The following MYL2 variants were observed in gnomAD, a reference collection of about 807,000 sequenced individuals.
MYL2 encodes the protein myosin light chain 2.
Under a neutral mutation model 23.0 loss-of-function variants are expected in MYL2, and 19 were observed. The ratio of observed to expected loss-of-function variants is 0.83; its 90% CI spans 0.58 to 1.21. MYL2 has a LOEUF of 1.21. Ranked by LOEUF, MYL2 falls within the 50% of genes most tolerant of loss-of-function variation. The pLI, the probability that MYL2 is intolerant of heterozygous loss-of-function variation, is 0.00. For synonymous variants in MYL2, 78 were observed against 76.2 expected, an observed-to-expected ratio of 1.02 and a Z score of -0.13; for missense variants, 180 against 215.1, an observed-to-expected ratio of 0.84 and a Z score of 1.02.
rs943867855 is a variant in MYL2, at chr12:110,918,706, A to G, written c.93+398T>C. On this transcript the variant is annotated intron_variant, in intron 2 of 6. Transcript: ENST00000228841. The surrounding 1 kb of genome is among the most constrained non-coding windows in gnomAD (Gnocchi z 4.4). Reference sequence around the variant, plus strand: ...ATGTTAATGGTGAATTTCTCAACGAAAAAAATGCAGGTGTAATCAGTGGGC... The same window carrying G: ...ATGTTAATGGTGAATTTCTCAACGAGAAAAATGCAGGTGTAATCAGTGGGC... The G allele has an allele frequency of 4.2e-5, 7 of 168,350 alleles. No individual in the cohort carries two copies. The highest frequency in any genetic ancestry group is 1.7e-4 in the African/African-American group (7 of 41,822). 10.4% of individuals were successfully genotyped at this position (168,350 alleles called of 1,614,324 possible). A position where few individuals can be genotyped will look rare whatever the true frequency, so the allele number is the denominator to read the frequency against.
chr12:110,920,274 T>C (rs1048514800), intron 1 of MYL2, among the ~76,000 whole-genome samples: 2 of 151,590 alleles, frequency 1.3e-5, no homozygotes, highest in African/African-American at 4.9e-5. Flanking sequence ...CCTCGAGAGG[T>C]CAGTAGACAA....
upstream of MYL2, chr12:110,920,595 A>G (rs2136779470): frequency 6.2e-7 from 1 of 1,612,904 alleles, no homozygotes; most frequent in Non-Finnish European, 8.5e-7. Context: ...TCTGCAGCCC[A>G]GGAACAATAA....
At chr12:110,919,858 C>T (rs905334021) in intron 1 of MYL2, among the ~76,000 whole-genome samples, 7 of 152,256 alleles carry the variant, frequency 4.6e-5, no homozygotes, top group African/African-American at 1.7e-4. Context: ...CTCATAACCA[C>T]TCTGTCAAGT....
chr12:110,910,874 C>T lies in MYL2; in HGVS notation c.*203G>A, dbSNP rs1269402230. ...CGACCTCCTGTTTATTGGAACATGG[C>T]CTCTGGATGGATTTCCAACTGTAGG... On this transcript the variant is annotated 3_prime_UTR_variant, in exon 7 of 7. Coordinates refer to ENST00000228841, the MANE Select transcript of MYL2 (RefSeq NM_000432.4). 1 of 616,250 alleles carries T rather than the reference C, an allele frequency of 1.6e-6. No homozygotes were observed. Among genetic ancestry groups the T allele is most frequent in the Non-Finnish European group, 2.9e-6 (1 of 340,038 alleles). 38.2% of individuals were successfully genotyped at this position (616,250 alleles called of 1,614,324 possible).
chr12:110,920,233 C>T (rs1039946458), intron 1 of MYL2, among the ~76,000 whole-genome samples: 3 of 152,326 alleles, frequency 2.0e-5, no homozygotes, highest in East Asian at 1.9e-4. Context: ...AGCATTCAAT[C>T]CCATTTTGCA....
rs376347760 is a variant in MYL2 at position 110,920,278 on chromosome 12, T to C, written c.3+249A>G. 3.2e-3 allele frequency among the ~76,000 whole-genome samples: 483 copies of C among 151,000 alleles called. 1 individual carries two copies. The highest frequency in any genetic ancestry group is 0.011 in the African/African-American group (469 of 40,958). The stretch of plus-strand genomic sequence containing the variant: ...AGTTATTGATTCCTCGAGAGGTCAG[T>C]AGACAAGCCATAAAAAAGCCAACTC... On this transcript the variant is annotated intron_variant, in intron 1 of 6. Coordinates refer to ENST00000228841, the MANE Select transcript of MYL2 (RefSeq NM_000432.4).
At chr12:110,921,176 T>C (rs1240836996), upstream of MYL2, among the ~76,000 whole-genome samples, 14 of 151,756 alleles carry the variant, frequency 9.2e-5, no homozygotes, top group East Asian at 2.1e-3. Flanking sequence ...CTGGGTGACA[T>C]AGGGAGATGC....
intron 2 of MYL2, 84 bp downstream of exon 2, chr12:110,919,020 C>T: frequency 7.6e-7 from 1 of 1,309,754 alleles, no homozygotes; most frequent in East Asian, 2.3e-5. Flanking sequence ...TGAAAGGTCC[C>T]TGCTGGGAAT....
At chr12:110,915,907 A>T in intron 2 of MYL2, 117 bp from the exon 3 acceptor site, 1 of 843,214 alleles carries the variant, frequency 1.2e-6, no homozygotes, top group South Asian at 1.3e-5. Context: ...TCATTGTAGG[A>T]CCTCAGATTA....
At chr12:110,914,453 A>T in intron 3 of MYL2, 163 bp from the exon 4 acceptor site, 55 of 603,536 alleles carry the variant, frequency 9.1e-5, no homozygotes, top group East Asian at 2.0e-4. Flanking sequence ...TGTTCTTGAC[A>T]GTGTTATTTA....
In MYL2 at chr12:110,910,892, A is replaced by G. The variant is rs2071644481; in HGVS notation, c.*185T>C. The G allele has an allele frequency of 4.7e-6, 3 of 640,920 alleles. No individual in the cohort carries two copies. The Admixed American group carries it at 6.8e-5, about 14-fold the overall frequency. The allele number at this position is 640,920 out of a possible 1,614,324, so 39.7% of individuals were successfully genotyped here. A position where few individuals can be genotyped will look rare whatever the true frequency, so the allele number is the denominator to read the frequency against. ...AACATGGCCTCTGGATGGATTTCCA[A>G]CTGTAGGATGTGCGGCCACGAAGTA... On this transcript the variant is annotated 3_prime_UTR_variant, in exon 7 of 7. Coordinates refer to ENST00000228841, the MANE Select transcript of MYL2 (RefSeq NM_000432.4).
At position 110,913,237 on chromosome 12, in the gene MYL2, C is replaced by A; in HGVS notation, c.353+9G>T. 6.2e-7 allele frequency: 1 copy of A among 1,614,186 alleles called. No individual in the cohort carries two copies. The highest frequency in any genetic ancestry group is 8.5e-7 in the Non-Finnish European group (1 of 1,180,026). ...GGAACCCCCTTCCTCCCCCACAGAC[C>A]CCACTCACTAATCAGCCTTCAGCAC... On this transcript the variant is annotated intron_variant, in intron 5 of 6. Transcript: ENST00000228841.
chr12:110,911,008 C>CG lies in MYL2; in HGVS notation c.*68dup. 1.5e-6 allele frequency: 2 copies of CG among 1,365,132 alleles called. No individual in the cohort carries two copies. The highest frequency in any genetic ancestry group is 2.3e-5 in the East Asian group (1 of 43,600). 84.6% of individuals were successfully genotyped at this position (1,365,132 alleles called of 1,614,324 possible). On this transcript the variant is annotated 3_prime_UTR_variant, in exon 7 of 7. Coordinates refer to ENST00000228841, the MANE Select transcript of MYL2 (RefSeq NM_000432.4). Reference sequence around the variant, plus strand: ...ACAAGGTAGGGACAGAGGCGGTACTCGGGGGAGAGAGATGAGGGCAGGGAC... The same window carrying CG: ...ACAAGGTAGGGACAGAGGCGGTACTCGGGGGGAGAGAGATGAGGGCAGGGAC...
intron 4 of MYL2, 101 bp from the exon 5 acceptor site, chr12:110,913,425 G>T: frequency 8.2e-7 from 1 of 1,215,230 alleles, no homozygotes; most frequent in Non-Finnish European, 1.2e-6. Flanking sequence ...AGGGGCCAGA[G>T]CAAGGCTGCT....
intron 3 of MYL2, among the ~76,000 whole-genome samples, chr12:110,914,837 T>C (rs2071678659): frequency 6.6e-6 from 1 of 152,298 alleles, no homozygotes; most frequent in African/African-American, 2.4e-5. Context: ...ATATTTAAAA[T>C]AGTGTCTTCA....
upstream of MYL2, chr12:110,920,751 CA>C: frequency 1.6e-6 from 1 of 638,232 alleles, no homozygotes; most frequent in Non-Finnish European, 2.8e-6. Flanking sequence ...CGTGAGCCCC[CA>C]AAAAGGCATT....
In MYL2 at chr12:110,913,252, G is replaced by A. The variant is rs1566148270; in HGVS notation, c.347C>T (p.Ala116Val). The A allele has an allele frequency of 1.9e-6, 3 of 1,614,230 alleles. No homozygotes were observed. The highest frequency in any genetic ancestry group is 2.5e-6 in the Non-Finnish European group (3 of 1,180,030). Reference sequence around the variant, plus strand: ...CCCCACAGACCCCACTCACTAATCAGCCTTCAGCACCCCTTTGCCTTCAGG... The same window carrying A: ...CCCCACAGACCCCACTCACTAATCAACCTTCAGCACCCCTTTGCCTTCAGG... Reference protein sequence around the residue: ...FDPEGKGVLKADYVREMLTTQ... With the variant: ...FDPEGKGVLKVDYVREMLTTQ... Residue 116 changes from alanine (A) to valine (V), a missense_variant, in exon 5 of 7, where the codon GCT becomes GTT. Coordinates refer to ENST00000228841, the MANE Select transcript of MYL2 (RefSeq NM_000432.4).
chr12:110,919,661 C>T (rs1452139307), intron 1 of MYL2, among the ~76,000 whole-genome samples: 1 of 152,210 alleles, frequency 6.6e-6, no homozygotes, highest in East Asian at 1.9e-4. Context: ...TAAAACCCAA[C>T]TGCGCCCCAC....
At chr12:110,917,698 A>C (rs1161221706) in intron 2 of MYL2, among the ~76,000 whole-genome samples, 1 of 152,184 alleles carries the variant, frequency 6.6e-6, no homozygotes, top group Non-Finnish European at 1.5e-5. Context: ...CCTATGGGAC[A>C]CGGCATTCCT....
Sources: gnomAD v4.1 joint callset for allele counts (sites outside exome capture counted in the v4.1 genomes callset) on GRCh38, gnomAD v4.1.1 for gene constraint, Gnocchi (gnomAD v3.1) non-coding constraint, MANE v1.5 for transcripts, NCBI Gene and HGNC (gene_info 2026-07-23, HGNC 2026-07-21) for gene names.